The following PDE4D variants were observed in gnomAD, a reference collection of about 807,000 sequenced individuals.
PDE4D encodes the protein 3',5'-cyclic-AMP phosphodiesterase 4D.
A neutral mutation model predicts 87.4 loss-of-function variants in PDE4D; 24 were observed. The ratio of observed to expected loss-of-function variants is 0.27; its 90% CI spans 0.20 to 0.39. The LOEUF is 0.39. Among genes scored for constraint, PDE4D ranks in the 10% least tolerant of loss-of-function variants. PDE4D has a pLI of 1.00. For synonymous variants in PDE4D, 384 were observed against 383.2 expected, an observed-to-expected ratio of 1.00 and a Z score of -0.02; for missense variants, 714 against 1,041.0, an observed-to-expected ratio of 0.69 and a Z score of 4.32.
rs537541991 is a variant in PDE4D, at chr5:59,093,636, G to A, written c.809-54665C>T. On this transcript the variant is annotated intron_variant, in intron 5 of 14. Transcript: ENST00000340635. ...AACAGTGCAACCCTACAGTTGACGAGCCCTATCCATGATCACAGAACTTCT... is the reference window on the plus strand; with the variant it reads ...AACAGTGCAACCCTACAGTTGACGAACCCTATCCATGATCACAGAACTTCT... Among the ~76,000 whole-genome samples the A allele has an allele frequency of 3.3e-5, 5 of 152,304 alleles. 1 individual carries two copies. In the South Asian group the frequency reaches 1.0e-3, roughly 32 times the overall value.
At chr5:60,144,239 T>C (rs1780806416) in intron 2 of PDE4D, among the ~76,000 whole-genome samples, 1 of 152,254 alleles carries the variant, frequency 6.6e-6, no homozygotes, top group Admixed American at 6.5e-5. Flanking sequence ...GCAGGAATGC[T>C]GAATGATCTG....
At chr5:60,240,540 G>A (rs1206879333) in intron 1 of PDE4D, among the ~76,000 whole-genome samples, 1 of 152,084 alleles carries the variant, frequency 6.6e-6, no homozygotes, top group African/African-American at 2.4e-5. Flanking sequence ...CAGGTATCTA[G>A]GGCCTTGCCA....
chr5:60,357,260 C>A (rs1759698086), intron 1 of PDE4D, among the ~76,000 whole-genome samples: 1 of 152,004 alleles, frequency 6.6e-6, no homozygotes, highest in South Asian at 2.1e-4. Context: ...CTCCACAGAA[C>A]CAAGCTCTTC....
chr5:59,515,392 C>T (rs1045193336), intron 1 of PDE4D, among the ~76,000 whole-genome samples: 5 of 152,112 alleles, frequency 3.3e-5, no homozygotes, highest in Non-Finnish European at 7.4e-5. Context: ...TTAAAAGGAT[C>T]CCTCAGGGAT....
At position 59,175,780 on chromosome 5, in the gene PDE4D, C is replaced by CTTTT. The variant is rs1783767325; in HGVS notation, c.808+4814_808+4815insAAAA. 9.1e-4 allele frequency among the ~76,000 whole-genome samples: 83 copies of CTTTT among 91,532 alleles called. 1 individual carries two copies. Among genetic ancestry groups the CTTTT allele is most frequent in the African/African-American group, 4.1e-3 (81 of 19,626 alleles). The allele number at this position is 91,532 out of a possible 152,430, so 60.0% of individuals were successfully genotyped here. A position where few individuals can be genotyped will look rare whatever the true frequency, so the allele number is the denominator to read the frequency against. ...GGCATGAGCCACCATGCCCGGCCTC[C>CTTTT]ATTTTTTTTTTTTTTTTTTTTTTTT... On this transcript the variant is annotated intron_variant, in intron 5 of 14. Coordinates refer to ENST00000340635, the MANE Select transcript of PDE4D (RefSeq NM_001104631.2).
chr5:60,192,221 A>G (rs1037594418), intron 1 of PDE4D, among the ~76,000 whole-genome samples: 4 of 152,160 alleles, frequency 2.6e-5, no homozygotes, highest in African/African-American at 7.2e-5. Flanking sequence ...CACTATTAAT[A>G]AAATGAAAAT....
At chr5:60,088,506 A>G (rs1774775125) in intron 2 of PDE4D, among the ~76,000 whole-genome samples, 1 of 152,008 alleles carries the variant, frequency 6.6e-6, no homozygotes, top group Admixed American at 6.6e-5. Flanking sequence ...TGAAACAGCA[A>G]TAAGTCAAAA....
intron 2 of PDE4D, among the ~76,000 whole-genome samples, chr5:59,202,272 C>A (rs1009893422): frequency 6.6e-6 from 1 of 152,046 alleles, no homozygotes; most frequent in South Asian, 2.1e-4. Context: ...GATCTCCTGA[C>A]GTCGTGATCC....
chr5:60,416,104 C>G (rs964663920), intron 1 of PDE4D, among the ~76,000 whole-genome samples: 2 of 152,026 alleles, frequency 1.3e-5, no homozygotes, highest in African/African-American at 4.8e-5. Flanking sequence ...ATACACCAAT[C>G]GACACTCTGT....
At chr5:59,597,711 A>G (rs921483502) in intron 1 of PDE4D, among the ~76,000 whole-genome samples, 15 of 152,290 alleles carry the variant, frequency 9.8e-5, no homozygotes, top group African/African-American at 3.4e-4. Context: ...ACTAGAACCC[A>G]ATAATTTAGA....
chr5:60,200,384 G>A (rs987201619), intron 1 of PDE4D, among the ~76,000 whole-genome samples: 2 of 151,566 alleles, frequency 1.3e-5, no homozygotes, highest in African/African-American at 4.8e-5. Flanking sequence ...GAGAAAAACA[G>A]TTCTGATATA....
intron 1 of PDE4D, among the ~76,000 whole-genome samples, chr5:59,662,423 T>C (rs553239151): frequency 6.6e-6 from 1 of 152,338 alleles, no homozygotes; most frequent in African/African-American, 2.4e-5. Context: ...TAACCTTATT[T>C]GCACTGACCC....
At chr5:59,718,796 CCTGT>C (rs1172349311) in intron 1 of PDE4D, among the ~76,000 whole-genome samples, 2 of 151,956 alleles carry the variant, frequency 1.3e-5, no homozygotes, top group African/African-American at 4.8e-5. Flanking sequence ...CAATATTCTC[CCTGT>C]CTTTCAAGAA....
Position 58,988,565 on chromosome 5 carries a change from C to T in PDE4D, c.1480G>A (p.Ala494Thr). 6.7e-7 allele frequency: 1 copy of T among 1,495,206 alleles called. No homozygotes were observed. 92.6% of individuals were successfully genotyped at this position (1,495,206 alleles called of 1,614,324 possible). A position where few individuals can be genotyped will look rare whatever the true frequency, so the allele number is the denominator to read the frequency against. Residue 494 changes from alanine (A) to threonine (T), a missense_variant, in exon 11 of 15, where the codon GCA becomes ACA. By Grantham distance (58) the Ala-to-Thr change is moderately conservative. This residue lies in a region of PDE4D where 141 missense variants were observed against 204.3 expected (regional missense o/e 0.69). Coordinates refer to ENST00000340635, the MANE Select transcript of PDE4D (RefSeq NM_001104631.2). ...EAVFTDLEILAAIFASAIHDV... is the reference protein window; with the variant it reads ...EAVFTDLEILTAIFASAIHDV... ...TGTATTGCACTGGCAAAAATTGCTG[C>T]AAGAATCTCCAAATCTGTAAACACA...
intron 2 of PDE4D, among the ~76,000 whole-genome samples, chr5:59,214,276 C>A (rs936916513): frequency 2.0e-5 from 3 of 152,068 alleles, no homozygotes; most frequent in Admixed American, 2.0e-4. Flanking sequence ...TATGATCATG[C>A]CAAAACTCAG....
At chr5:59,943,212 CT>C (rs11290989) in intron 3 of PDE4D, among the ~76,000 whole-genome samples, 111,054 of 150,148 alleles carry the variant, frequency 0.74, 41,175 homozygotes, top group East Asian at 0.96. Flanking sequence ...TATTATTATC[CT>C]TTTTTTTTTA....
At chr5:59,628,386 T>G (rs549927528) in intron 1 of PDE4D, among the ~76,000 whole-genome samples, 3 of 152,344 alleles carry the variant, frequency 2.0e-5, no homozygotes, top group African/African-American at 7.2e-5. Flanking sequence ...CTTCCTGCAG[T>G]AGCAGAAATG....
chr5:59,728,013 G>A (rs1419229010), intron 1 of PDE4D, among the ~76,000 whole-genome samples: 2 of 151,900 alleles, frequency 1.3e-5, no homozygotes, highest in Non-Finnish European at 2.9e-5. Flanking sequence ...CTTCACACAC[G>A]TGACCTAATA....
At chr5:60,390,709 G>C (rs1303159584) in intron 1 of PDE4D, among the ~76,000 whole-genome samples, 1 of 151,098 alleles carries the variant, frequency 6.6e-6, no homozygotes, top group African/African-American at 2.4e-5. Flanking sequence ...TGGCCTGAGG[G>C]GGAATATAAG....
Sources: gnomAD v4.1 joint callset for allele counts (sites outside exome capture counted in the v4.1 genomes callset) on GRCh38, gnomAD v4.1.1 for gene constraint, gnomAD v4.1.1 regional missense constraint, MANE v1.5 for transcripts, NCBI Gene and HGNC (gene_info 2026-07-23, HGNC 2026-07-21) for gene names.